Variants in CCDC73 observed in about 807,000 individuals in gnomAD.
CCDC73 encodes coiled-coil domain-containing protein 73.
A neutral mutation model predicts 116.5 loss-of-function variants in CCDC73; 95 were observed. That is an observed-to-expected ratio of 0.82 (90% CI 0.69 to 0.97). The LOEUF (loss-of-function observed/expected upper bound fraction) is 0.97. Among genes scored for constraint, CCDC73 ranks in the 50% least tolerant of loss-of-function variants. CCDC73 has a pLI of 0.00. For missense variants in CCDC73, 1,066 were observed against 1,206.8 expected (o/e 0.88, Z 1.73); for synonymous variants, 398 against 401.3 (o/e 0.99, Z 0.10).
chr11:32,771,022 C>T (rs963979971), intron 1 of CCDC73, among the ~76,000 whole-genome samples: 5 of 152,116 alleles, frequency 3.3e-5, no homozygotes, highest in South Asian at 4.1e-4. Context: ...ATCTCAAGGG[C>T]GTTATCTTAG....
chr11:32,739,969 A>G (rs1039179472), intron 2 of CCDC73, among the ~76,000 whole-genome samples: 4 of 152,062 alleles, frequency 2.6e-5, no homozygotes, highest in Non-Finnish European at 4.4e-5. Flanking sequence ...TTCTGTTGAT[A>G]TGCTATATCA....
At chr11:32,696,899 GGC>G (rs1856316512) in intron 6 of CCDC73, among the ~76,000 whole-genome samples, 1 of 146,616 alleles carries the variant, frequency 6.8e-6, no homozygotes, top group Admixed American at 6.9e-5. Flanking sequence ...GCCTGATCAT[GGC>G]TCACAGCAGC....
chr11:32,648,158 C>T (rs540701222), intron 12 of CCDC73, among the ~76,000 whole-genome samples: 1 of 152,346 alleles, frequency 6.6e-6, no homozygotes, highest in Non-Finnish European at 1.5e-5. Flanking sequence ...CCTTCAGCTG[C>T]ATACTGTACT....
At chr11:32,628,246 G>GT (rs1399254279) in intron 14 of CCDC73, among the ~76,000 whole-genome samples, 3 of 152,206 alleles carry the variant, frequency 2.0e-5, no homozygotes, top group African/African-American at 7.2e-5. Flanking sequence ...TTACTGCCTA[G>GT]ACACTTGCTA....
intron 2 of CCDC73, among the ~76,000 whole-genome samples, chr11:32,757,597 A>G (rs1435171574): frequency 6.6e-6 from 1 of 152,172 alleles, no homozygotes; most frequent in Admixed American, 6.6e-5. Flanking sequence ...GCAGGGCGGC[A>G]TACCTTCTAC....
the CCDC73 span, among the ~76,000 whole-genome samples, chr11:32,813,322 CT>C: frequency 1.1e-4 from 16 of 151,514 alleles, no homozygotes; most frequent in African/African-American, 2.9e-4. Context: ...CATGAAGTCT[CT>C]TTTTTTTTCT....
At chr11:32,662,200 A>C (rs943984434) in intron 9 of CCDC73, among the ~76,000 whole-genome samples, 2 of 152,252 alleles carry the variant, frequency 1.3e-5, no homozygotes, top group African/African-American at 4.8e-5. Flanking sequence ...GTATATACCC[A>C]GTAATGGGAT....
In CCDC73 at chr11:32,683,578, G is replaced by C. The variant is rs757214580; in HGVS notation, c.391-4C>G. On this transcript the variant is annotated splice_region_variant and splice_polypyrimidine_tract_variant and intron_variant, in intron 6 of 17. Coordinates refer to ENST00000335185, the MANE Select transcript of CCDC73 (RefSeq NM_001008391.4). ...TCTGTAAAGAGTATTTAGAAACCTT[G>C]AAAAATAAGGGGGAAAAATCTCATT... 6.8e-7 allele frequency: 1 copy of C among 1,461,248 alleles called. No individual in the cohort carries two copies. The highest frequency in any genetic ancestry group is 1.2e-5 in the South Asian group (1 of 84,534). 90.5% of individuals were successfully genotyped at this position (1,461,248 alleles called of 1,614,324 possible).
chr11:32,777,351 C>T (rs1850547004), intron 1 of CCDC73, among the ~76,000 whole-genome samples: 1 of 151,978 alleles, frequency 6.6e-6, no homozygotes, highest in Admixed American at 6.6e-5. Flanking sequence ...GTGATCTGTC[C>T]ACCTCAGCCT....
intron 1 of CCDC73, among the ~76,000 whole-genome samples, chr11:32,762,082 T>A (rs941617434): frequency 5.3e-5 from 8 of 152,210 alleles, no homozygotes; most frequent in Non-Finnish European, 8.8e-5. Flanking sequence ...TGTAGACTGC[T>A]GTTTGACCCA....
intron 2 of CCDC73, among the ~76,000 whole-genome samples, chr11:32,719,555 T>C (rs1268917720): frequency 6.6e-6 from 1 of 152,100 alleles, no homozygotes; most frequent in Non-Finnish European, 1.5e-5. Context: ...ATATCCAAAA[T>C]GTTTCTAACA....
At chr11:32,649,628 G>A (rs1245697210) in intron 12 of CCDC73, among the ~76,000 whole-genome samples, 1 of 152,098 alleles carries the variant, frequency 6.6e-6, no homozygotes, top group Non-Finnish European at 1.5e-5. Flanking sequence ...TTAATATTTT[G>A]TTATGCTATA....
intron 14 of CCDC73, among the ~76,000 whole-genome samples, chr11:32,631,970 C>T (rs959742456): frequency 2.6e-5 from 4 of 151,990 alleles, no homozygotes; most frequent in Non-Finnish European, 5.9e-5. Context: ...TCTCTCTGAC[C>T]CATGGATATG....
chr11:32,608,456 G>A (rs911931125), intron 17 of CCDC73, among the ~76,000 whole-genome samples: 2 of 152,194 alleles, frequency 1.3e-5, no homozygotes, highest in Non-Finnish European at 2.9e-5. Context: ...TAATGCAAGA[G>A]GTGGGTTCTT....
At chr11:32,732,761 G>A (rs1850091026) in intron 2 of CCDC73, among the ~76,000 whole-genome samples, 1 of 152,164 alleles carries the variant, frequency 6.6e-6, no homozygotes, top group African/African-American at 2.4e-5. Flanking sequence ...AAGAGCTCCT[G>A]AAGGAAGCAC....
intron 2 of CCDC73, among the ~76,000 whole-genome samples, chr11:32,750,956 G>T (rs1850282899): frequency 6.6e-6 from 1 of 152,126 alleles, no homozygotes; most frequent in Non-Finnish European, 1.5e-5. Context: ...TCTCACCCAA[G>T]GCCCACAGCA....
intron 14 of CCDC73, 115 bp from the exon 15 acceptor site, chr11:32,616,244 T>C: frequency 9.4e-7 from 1 of 1,066,044 alleles, no homozygotes; most frequent in East Asian, 2.8e-5. Context: ...GCAATTTCTA[T>C]TTGAAAGTCA....
intron 1 of CCDC73, among the ~76,000 whole-genome samples, chr11:32,780,039 C>T (rs1318970831): frequency 1.3e-5 from 2 of 151,980 alleles, no homozygotes; most frequent in African/African-American, 2.4e-5. Flanking sequence ...TTTGGGAGGC[C>T]GAGGCAGGCA....
At chr11:32,744,629 G>T (rs183388098) in intron 2 of CCDC73, among the ~76,000 whole-genome samples, 4 of 152,076 alleles carry the variant, frequency 2.6e-5, no homozygotes, top group Admixed American at 2.6e-4. Context: ...TCCTGGTTTA[G>T]TCTTGGAAGG....
Sources: allele counts gnomAD v4.1 joint callset (sites outside exome capture counted in the v4.1 genomes callset), GRCh38; gene constraint gnomAD v4.1.1; transcripts MANE v1.5; gene names NCBI Gene and HGNC (gene_info 2026-07-23, HGNC 2026-07-21).